FGF4: variants seen among roughly 807,000 people sequenced by gnomAD.
The protein encoded by FGF4 is heparin secretory transforming protein 1.
A neutral mutation model predicts 15.7 loss-of-function variants in FGF4; 9 were observed. The observed-to-expected ratio is 0.57, with a 90% CI of 0.35 to 1.00. The LOEUF (loss-of-function observed/expected upper bound fraction) is 1.00, where lower values mean the gene tolerates loss of function less well. FGF4 is among the 50% of genes least tolerant of loss of function. The probability of loss-of-function intolerance (pLI) is 0.02; values close to 1 mark genes in which losing one functional copy is unlikely to be tolerated. For missense variants in FGF4, 286 were observed against 297.3 expected (o/e 0.96, Z 0.28); for synonymous variants, 164 against 144.8 (o/e 1.13, Z -0.95).
chr11:69,773,399 CATGCCGGG>C lies in FGF4; in HGVS notation c.523_530del (p.Pro175ValfsTer72). ...TCCCATTCTTGCTCAGGGCGATGAA[CATGCCGGG>C]GTACTTGTAGGACTCGTAGGCGTTG... On this transcript the variant is annotated frameshift_variant, in exon 3 of 3. Transcript: ENST00000168712. LOFTEE classifies it high-confidence loss of function. 1 of 1,614,172 alleles carries C rather than the reference CATGCCGGG, an allele frequency of 6.2e-7. No homozygotes were observed. Among genetic ancestry groups the C allele is most frequent in the Non-Finnish European group, 8.5e-7 (1 of 1,180,028 alleles).
Position 69,773,120 on chromosome 11 carries a change from A to G in FGF4, c.*189T>C. 1 of 485,642 alleles carries G rather than the reference A, an allele frequency of 2.1e-6. No individual in the cohort carries two copies. The highest frequency in any genetic ancestry group is 1.9e-5 in the African/African-American group (1 of 51,546). 30.1% of individuals were successfully genotyped at this position (485,642 alleles called of 1,614,324 possible). A position where few individuals can be genotyped will look rare whatever the true frequency, so the allele number is the denominator to read the frequency against. ...TGTTTTGTCTTTTTTTCCCCCCAGA[A>G]AATTAAAAAACACACCCGCAGAACT... On this transcript the variant is annotated 3_prime_UTR_variant, in exon 3 of 3. Coordinates refer to ENST00000168712, the MANE Select transcript of FGF4 (RefSeq NM_002007.4).
At position 69,773,273 on chromosome 11, in the gene FGF4, G is replaced by A. The variant is rs1218138349; in HGVS notation, c.*36C>T. On this transcript the variant is annotated 3_prime_UTR_variant, in exon 3 of 3. Transcript: ENST00000168712. ...TGACCCTCGGCACTGCCCTCCCAGG[G>A]GCTTCCCGAGGCTGAGGCAAGGGTC... 1 of 1,606,974 alleles carries A rather than the reference G, an allele frequency of 6.2e-7. No homozygotes were observed. Among genetic ancestry groups the A allele is most frequent in the Non-Finnish European group, 8.5e-7 (1 of 1,174,302 alleles).
chr11:69,774,224 GT>G, intron 1 of FGF4, 97 bp from the exon 2 acceptor site: 1 of 1,032,932 alleles, frequency 9.7e-7, no homozygotes, highest in Non-Finnish European at 1.4e-6. Flanking sequence ...CTGGGGTGGG[GT>G]TGGGGATAAA....
intron 1 of FGF4, 77 bp downstream of exon 1, chr11:69,774,668 A>G (rs1855616893): frequency 8.5e-7 from 1 of 1,180,036 alleles, no homozygotes; most frequent in Non-Finnish European, 1.1e-6. Flanking sequence ...CGAGGGTCTC[A>G]GAGTGTGACT....
At chr11:69,773,579 CCCCACCCTGGGCT>C in intron 2 of FGF4, 94 bp from the exon 3 acceptor site, 1 of 1,115,408 alleles carries the variant, frequency 9.0e-7, no homozygotes. Context: ...CTGTCCCACC[CCCCACCCTGGGCT>C]GAGATGTCTC....
Position 69,772,577 on chromosome 11 carries a change from T to G in FGF4, c.*732A>C, listed in dbSNP as rs1246302518. ...AGCCTTCCAGTGGGATATTGATTCC[T>G]CTCCATGGAATTTATGAAAGAGCTT... On this transcript the variant is annotated 3_prime_UTR_variant, in exon 3 of 3. Coordinates refer to ENST00000168712, the MANE Select transcript of FGF4 (RefSeq NM_002007.4). 1 of 152,170 alleles carries G rather than the reference T, an allele frequency of 6.6e-6. No individual in the cohort carries two copies. Among genetic ancestry groups the G allele is most frequent in the Non-Finnish European group, 1.5e-5 (1 of 68,048 alleles). The allele number at this position is 152,170 out of a possible 1,614,324, so 9.4% of individuals were successfully genotyped here. A position where few individuals can be genotyped will look rare whatever the true frequency, so the allele number is the denominator to read the frequency against.
At chr11:69,774,257 C>G in intron 1 of FGF4, 130 bp from the exon 2 acceptor site, 1 of 752,274 alleles carries the variant, frequency 1.3e-6, no homozygotes, top group Non-Finnish European at 2.1e-6. Flanking sequence ...CCCGGCGCAG[C>G]CGCCCCCAAG....
At chr11:69,773,918 C>T in intron 2 of FGF4, 106 bp downstream of exon 2, 2 of 897,754 alleles carry the variant, frequency 2.2e-6, no homozygotes, top group Admixed American at 2.6e-5. Flanking sequence ...GTGACCCTGC[C>T]ACCCCTCCAA....
At position 69,774,024 on chromosome 11, in the gene FGF4, C is replaced by T; in HGVS notation, c.444G>A (p.Ser148=). The T allele has an allele frequency of 1.9e-6, 3 of 1,611,040 alleles. No homozygotes were observed. Among genetic ancestry groups the T allele is most frequent in the East Asian group, 2.2e-5 (1 of 44,846 alleles). The change falls in exon 2 of 3, where the codon TCG becomes TCA. Residue 148 remains serine, a splice_region_variant and synonymous_variant. Coordinates refer to ENST00000168712, the MANE Select transcript of FGF4 (RefSeq NM_002007.4). ...AMSSKGKLYG[S]PFFTDECTFK... ...CTAGCCAGACCCCTGCGGTACTCAC[C>T]GAGCCATAGAGCTTGCCCTTGCTGC...
At chr11:69,773,598 G>T in intron 2 of FGF4, 113 bp from the exon 3 acceptor site, 1 of 1,003,600 alleles carries the variant, frequency 1.0e-6, no homozygotes, top group Non-Finnish European at 1.6e-6. Flanking sequence ...GGGCTGAGAT[G>T]TCTCTGCTGA....
chr11:69,775,028 C>A lies in FGF4; in HGVS notation c.57G>T (p.Leu19Phe). Residue 19 changes from leucine to phenylalanine, a missense_variant, in exon 1 of 3, where the codon TTG becomes TTT. Leu to Phe is a conservative substitution (Grantham distance 22, BLOSUM62 0). Transcript: ENST00000168712. ...VALLPAVLLALLAPWAGRGGA... is the reference protein window; with the variant it reads ...VALLPAVLLAFLAPWAGRGGA... ...CCCCTCGGCCCGCCCAGGGCGCCAGCAAGGCCAGCAGGACCGCCGGGAGCA... is the reference window on the plus strand; with the variant it reads ...CCCCTCGGCCCGCCCAGGGCGCCAGAAAGGCCAGCAGGACCGCCGGGAGCA... 7.0e-7 allele frequency: 1 copy of A among 1,433,814 alleles called. No homozygotes were observed. Among genetic ancestry groups the A allele is most frequent in the Admixed American group, 2.8e-5 (1 of 35,880 alleles). 88.8% of individuals were successfully genotyped at this position (1,433,814 alleles called of 1,614,324 possible). A position where few individuals can be genotyped will look rare whatever the true frequency, so the allele number is the denominator to read the frequency against.
Position 69,775,042 on chromosome 11 carries a change from C to A in FGF4, c.43G>T (p.Val15Phe). 1 of 1,402,506 alleles carries A rather than the reference C, an allele frequency of 7.1e-7. No individual in the cohort carries two copies. Among genetic ancestry groups the A allele is most frequent in the South Asian group, 1.5e-5 (1 of 65,132 alleles). 86.9% of individuals were successfully genotyped at this position (1,402,506 alleles called of 1,614,324 possible). ...GTAAVALLPAVLLALLAPWAG... is the reference protein window; with the variant it reads ...GTAAVALLPAFLLALLAPWAG... ...CAGGGCGCCAGCAAGGCCAGCAGGA[C>A]CGCCGGGAGCAGCGCTACCGCGGCC... The change falls in exon 1 of 3, where the codon GTC becomes TTC. Residue 15 changes from valine (V) to phenylalanine (F), a missense_variant. Coordinates refer to ENST00000168712, the MANE Select transcript of FGF4 (RefSeq NM_002007.4).
In FGF4 at chr11:69,772,722, A is replaced by T. The variant is rs1454951092; in HGVS notation, c.*587T>A. The T allele has an allele frequency of 6.5e-6, 1 of 153,372 alleles. No homozygotes were observed. The allele number at this position is 153,372 out of a possible 1,614,324, so 9.5% of individuals were successfully genotyped here. On this transcript the variant is annotated 3_prime_UTR_variant, in exon 3 of 3. Transcript: ENST00000168712. ...TGGTAGATCGAGGAAGATTGACTAC[A>T]GGAAAGTTCAAAGGTCAGTCTTGGC... is the stretch of plus-strand genomic sequence containing the variant.
intron 2 of FGF4, 143 bp downstream of exon 2, chr11:69,773,881 G>C (rs1012972446): frequency 7.7e-6 from 5 of 649,462 alleles, no homozygotes; most frequent in Non-Finnish European, 1.1e-5. Context: ...TCCTTTGTCT[G>C]GGGAGGCCTG....
chr11:69,775,200 C>T lies in FGF4; in HGVS notation c.-116G>A. 1 of 667,078 alleles carries T rather than the reference C, an allele frequency of 1.5e-6. No homozygotes were observed. The highest frequency in any genetic ancestry group is 1.9e-5 in the African/African-American group (1 of 53,122). The allele number at this position is 667,078 out of a possible 1,614,324, so 41.3% of individuals were successfully genotyped here. On this transcript the variant is annotated 5_prime_UTR_variant, in exon 1 of 3. Transcript: ENST00000168712. ...ACGGCCGACCTCGGGCAGGAGTGCG[C>T]AACCGAGGAGGTGCGGGAGGCAAGC...
chr11:69,774,880 C>A lies in FGF4; in HGVS notation c.205G>T (p.Val69Phe), dbSNP rs1411878660. The change falls in exon 1 of 3, where the codon GTC becomes TTC. Residue 69 changes from valine to phenylalanine, a missense_variant. Coordinates refer to ENST00000168712, the MANE Select transcript of FGF4 (RefSeq NM_002007.4). ...AGGTAGTCGCCGGCGCCGCTCTGGA[C>A]GGCCGCCTCCTTGGGCTGCGCTGCC... Reference protein sequence around the residue: ...PVAAQPKEAAVQSGAGDYLLG... With the variant: ...PVAAQPKEAAFQSGAGDYLLG... 4.7e-6 allele frequency: 7 copies of A among 1,497,346 alleles called. No homozygotes were observed. Among genetic ancestry groups the A allele is most frequent in the South Asian group, 2.5e-5 (2 of 80,394 alleles). The allele number at this position is 1,497,346 out of a possible 1,614,324, so 92.8% of individuals were successfully genotyped here. A position where few individuals can be genotyped will look rare whatever the true frequency, so the allele number is the denominator to read the frequency against.
chr11:69,773,877 G>A lies in FGF4; in HGVS notation c.444+147C>T, dbSNP rs191650713. ...TTCCTGCCTTGGGGCTGCTTCCTTT[G>A]TCTGGGGAGGCCTGCCGGTCCCGTG... On this transcript the variant is annotated intron_variant, in intron 2 of 2. Coordinates refer to ENST00000168712, the MANE Select transcript of FGF4 (RefSeq NM_002007.4). 1,334 of 641,846 alleles carry A rather than the reference G, an allele frequency of 2.1e-3. 18 individuals are homozygous for A. In the African/African-American group the frequency reaches 0.021, roughly 10 times the overall value. 39.8% of individuals were successfully genotyped at this position (641,846 alleles called of 1,614,324 possible). A position where few individuals can be genotyped will look rare whatever the true frequency, so the allele number is the denominator to read the frequency against.
intron 1 of FGF4, among the ~76,000 whole-genome samples, chr11:69,774,521 A>G (rs1001404350): frequency 2.0e-5 from 3 of 152,168 alleles, no homozygotes; most frequent in Non-Finnish European, 4.4e-5. Flanking sequence ...GAGTTTCTGA[A>G]GGCGGGAGGC....
Position 69,775,237 on chromosome 11 carries a change from C to T in FGF4, c.-153G>A, listed in dbSNP as rs1187360957. 15 of 458,232 alleles carry T rather than the reference C, an allele frequency of 3.3e-5. No individual in the cohort carries two copies. The highest frequency in any genetic ancestry group is 5.0e-5 in the Non-Finnish European group (14 of 282,698). The allele number at this position is 458,232 out of a possible 1,614,324, so 28.4% of individuals were successfully genotyped here. ...TGCGGGAGGCAAGCGACGGGGCCCC[C>T]GGGCGCCGGGCTCTACCCCGGCTGC... On this transcript the variant is annotated 5_prime_UTR_variant, in exon 1 of 3. Transcript: ENST00000168712.
Sources: allele counts gnomAD v4.1 joint callset (sites outside exome capture counted in the v4.1 genomes callset), GRCh38; gene constraint gnomAD v4.1.1; transcripts MANE v1.5; gene names NCBI Gene and HGNC (gene_info 2026-07-23, HGNC 2026-07-21).